The following GPRASP3 variants were observed in gnomAD, a reference collection of about 807,000 sequenced individuals.
The protein encoded by GPRASP3 is G protein-coupled receptor associated sorting protein 3.
chrX:102,749,760 T>C, the GPRASP3 span: 1 of 1,211,739 alleles, frequency 8.3e-7, no homozygotes, highest in South Asian at 1.8e-5. Flanking sequence ...CTGAAGAAAA[T>C]GCCTGTTCTT....
chrX:102,748,866 C>A, the GPRASP3 span: 1 of 667,875 alleles, frequency 1.5e-6, no homozygotes, highest in Non-Finnish European at 2.2e-6. Context: ...GACTGCAGAA[C>A]TGACAGTTGA....
the GPRASP3 span, among the ~76,000 whole-genome samples, chrX:102,729,067 A>T: frequency 9.8e-5 from 11 of 112,170 alleles, no homozygotes; most frequent in African/African-American, 3.6e-4. Context: ...TATGAGAGTG[A>T]GAAACCCCTG....
the GPRASP3 span, among the ~76,000 whole-genome samples, chrX:102,726,305 C>G: frequency 3.6e-5 from 4 of 112,499 alleles, no homozygotes; most frequent in African/African-American, 1.3e-4. Flanking sequence ...TATGCTATGT[C>G]TATATTCCTC....
the GPRASP3 span, among the ~76,000 whole-genome samples, chrX:102,742,244 A>C: frequency 9.0e-6 from 1 of 111,187 alleles, no homozygotes; most frequent in African/African-American, 3.3e-5. Context: ...TCCTGGGTGT[A>C]GGCCAAACTA....
the GPRASP3 span, among the ~76,000 whole-genome samples, chrX:102,746,610 C>T: frequency 1.5e-4 from 17 of 112,328 alleles, no homozygotes; most frequent in African/African-American, 5.5e-4. Context: ...GCCGCGTTCG[C>T]TACTCGGGGC....
chrX:102,752,792 C>T, the GPRASP3 span: 1 of 122,175 alleles, frequency 8.2e-6, no homozygotes, highest in Non-Finnish European at 1.9e-5. Flanking sequence ...TTTTTTGAGA[C>T]AGAGTCTTGC....
At chrX:102,742,089 C>G in the GPRASP3 span, among the ~76,000 whole-genome samples, 2 of 112,126 alleles carry the variant, frequency 1.8e-5, no homozygotes, top group Non-Finnish European at 3.8e-5. Context: ...GGCATGCTTG[C>G]TATTGCCCTC....
At chrX:102,723,459 C>A in the GPRASP3 span, among the ~76,000 whole-genome samples, 1 of 111,619 alleles carries the variant, frequency 9.0e-6, no homozygotes, top group Non-Finnish European at 1.9e-5. Flanking sequence ...TCTTTACTCT[C>A]CAGAATTCTG....
chrX:102,725,380 G>A, the GPRASP3 span, among the ~76,000 whole-genome samples: 1 of 111,439 alleles, frequency 9.0e-6, no homozygotes, highest in African/African-American at 3.3e-5. Context: ...TCTGTCTATG[G>A]GAAACATCAT....
the GPRASP3 span, among the ~76,000 whole-genome samples, chrX:102,726,523 C>T: frequency 1.8e-5 from 2 of 111,496 alleles, no homozygotes; most frequent in African/African-American, 6.5e-5. Context: ...CATCACAGTA[C>T]TTATTTTTAC....
At chrX:102,744,651 G>A in the GPRASP3 span, among the ~76,000 whole-genome samples, 1 of 111,864 alleles carries the variant, frequency 8.9e-6, no homozygotes, top group Non-Finnish European at 1.9e-5. Flanking sequence ...GCAGGTATTG[G>A]TACTTTTAGG....
the GPRASP3 span, among the ~76,000 whole-genome samples, chrX:102,726,620 C>T: frequency 8.9e-6 from 1 of 112,058 alleles, no homozygotes; most frequent in African/African-American, 3.2e-5. Context: ...CTACGACTTT[C>T]TATACCTTTG....
chrX:102,744,463 G>C, the GPRASP3 span, among the ~76,000 whole-genome samples: 50 of 111,588 alleles, frequency 4.5e-4, 1 homozygote, highest in Admixed American at 3.6e-3. Context: ...TCATAACCTA[G>C]AGTGATTCAT....
the GPRASP3 span, among the ~76,000 whole-genome samples, chrX:102,741,793 C>T: frequency 8.9e-6 from 1 of 111,831 alleles, no homozygotes; most frequent in Non-Finnish European, 1.9e-5. Context: ...TACAGAGGAA[C>T]AAGGATAAGA....
At chrX:102,752,605 GTAT>G in the GPRASP3 span, 1 of 123,208 alleles carries the variant, frequency 8.1e-6, no homozygotes, top group African/African-American at 3.3e-5. Flanking sequence ...TTTCAATTTA[GTAT>G]TATATAGATC....
At chrX:102,753,511 C>T in the GPRASP3 span, 1 of 122,752 alleles carries the variant, frequency 8.1e-6, no homozygotes, top group South Asian at 3.7e-4. Flanking sequence ...ATTGAATCTT[C>T]GACCCATGAA....
the GPRASP3 span, among the ~76,000 whole-genome samples, chrX:102,737,369 A>G: frequency 8.9e-6 from 1 of 112,401 alleles, no homozygotes; most frequent in Non-Finnish European, 1.9e-5. Context: ...CTTATCCATG[A>G]GTGTATGACG....
At chrX:102,723,038 A>G in the GPRASP3 span, among the ~76,000 whole-genome samples, 1 of 112,071 alleles carries the variant, frequency 8.9e-6, no homozygotes, top group Non-Finnish European at 1.9e-5. Flanking sequence ...GTATATCTCA[A>G]TTACATTACA....
chrX:102,725,794 G>A, the GPRASP3 span, among the ~76,000 whole-genome samples: 6 of 112,412 alleles, frequency 5.3e-5, no homozygotes, highest in African/African-American at 1.9e-4. Flanking sequence ...TGATCCACCC[G>A]CCTCGGCCAC....
Sources: gnomAD v4.1 joint callset for allele counts (sites outside exome capture counted in the v4.1 genomes callset) on GRCh38, gnomAD v4.1.1 for gene constraint, MANE v1.5 for transcripts, NCBI Gene and HGNC (gene_info 2026-07-23, HGNC 2026-07-21) for gene names.